The following CELF2 variants were observed in gnomAD, a reference collection of about 807,000 sequenced individuals.
CELF2 encodes the protein CUGBP Elav-like family member 2.
Under a neutral mutation model 62.6 loss-of-function variants are expected in CELF2, and 8 were observed. The ratio of observed to expected loss-of-function variants is 0.13; its 90% CI spans 0.07 to 0.23. The LOEUF is 0.23. Ranked by LOEUF, CELF2 falls within the 10% of genes least tolerant of loss-of-function variation. CELF2 has a pLI of 1.00. For missense variants in CELF2, 333 were observed against 671.0 expected, an observed-to-expected ratio of 0.50 and a Z score of 5.56; for synonymous variants, 258 against 250.0, an observed-to-expected ratio of 1.03 and a Z score of -0.30.
chr10:11,149,612 G>T (rs555546684), intron 1 of CELF2, among the ~76,000 whole-genome samples: 3 of 152,156 alleles, frequency 2.0e-5, no homozygotes, highest in African/African-American at 7.2e-5. Flanking sequence ...GACACATTTC[G>T]TGTTCCTCTT....
At chr10:11,254,234 G>T (rs1178101471) in intron 4 of CELF2, among the ~76,000 whole-genome samples, 1 of 152,258 alleles carries the variant, frequency 6.6e-6, no homozygotes. Context: ...AAAGCCGGGT[G>T]TGTTCAGTAT....
At chr10:11,277,357 C>A (rs1276420359) in intron 8 of CELF2, among the ~76,000 whole-genome samples, 1 of 152,184 alleles carries the variant, frequency 6.6e-6, no homozygotes, top group Non-Finnish European at 1.5e-5. Flanking sequence ...TTCCCAGCTT[C>A]CCCGAATGTG....
chr10:10,977,623 T>C (rs548714297), intron 2 of CELF2, among the ~76,000 whole-genome samples: 1 of 152,316 alleles, frequency 6.6e-6, no homozygotes, highest in East Asian at 1.9e-4. Flanking sequence ...TTTCTGAATG[T>C]CATCCCCTTC....
At chr10:10,549,360 T>C in the CELF2 span, among the ~76,000 whole-genome samples, 1 of 152,334 alleles carries the variant, frequency 6.6e-6, no homozygotes, top group East Asian at 1.9e-4. Context: ...CTTGGCTCAC[T>C]GCAACTTCCG....
intron 1 of CELF2, among the ~76,000 whole-genome samples, chr10:11,158,009 C>T (rs943758705): frequency 6.6e-6 from 1 of 152,224 alleles, no homozygotes; most frequent in African/African-American, 2.4e-5. Flanking sequence ...CAGTGGGGGA[C>T]ATTGTGTTAA....
chr10:10,748,708 A>AC, the CELF2 span, among the ~76,000 whole-genome samples: 1 of 144,606 alleles, frequency 6.9e-6, no homozygotes, highest in African/African-American at 2.6e-5. Context: ...AGGTTGTGCC[A>AC]CTACACTCCA....
chr10:10,846,089 T>C, intron 1 of CELF2: 4 of 985,252 alleles, frequency 4.1e-6, no homozygotes, highest in Middle Eastern at 5.2e-4. Flanking sequence ...CAGATCCTTC[T>C]GCGCTCCCAG....
At chr10:11,088,564 C>CGGTGTGCATACCCCTGCTCACCT (rs55706560) in intron 1 of CELF2, among the ~76,000 whole-genome samples, 34,283 of 151,922 alleles carry the variant, frequency 0.23, 4,278 homozygotes, top group Middle Eastern at 0.29. Context: ...CTAGCAGAGC[C>CGGTGTGCATACCCCTGCTCACCT]GGATTTCTCA....
At chr10:10,801,289 TG>T in intron 1 of CELF2, among the ~76,000 whole-genome samples, 1 of 152,242 alleles carries the variant, frequency 6.6e-6, no homozygotes, top group Non-Finnish European at 1.5e-5. Flanking sequence ...TTTAACTGTG[TG>T]TAATCCTTTT....
chr10:10,898,386 A>G (rs1368635088), intron 1 of CELF2, among the ~76,000 whole-genome samples: 1 of 152,214 alleles, frequency 6.6e-6, no homozygotes, highest in Non-Finnish European at 1.5e-5. Flanking sequence ...ATCAATTTCT[A>G]TTGCTTGTGC....
chr10:11,304,291 A>AT (rs1228688754), intron 9 of CELF2, among the ~76,000 whole-genome samples: 6 of 151,682 alleles, frequency 4.0e-5, no homozygotes, highest in African/African-American at 1.2e-4. Context: ...GCCATCTCTG[A>AT]TTTTTTCTCT....
intron 2 of CELF2, among the ~76,000 whole-genome samples, chr10:10,943,912 T>C (rs1032047183): frequency 4.6e-5 from 7 of 152,152 alleles, no homozygotes; most frequent in African/African-American, 1.7e-4. Context: ...CCAAGATTGC[T>C]CTTTAATATG....
At chr10:10,966,689 G>A (rs2136092947) in intron 2 of CELF2, 1 of 152,330 alleles carries the variant, frequency 6.6e-6, no homozygotes, top group Middle Eastern at 3.4e-3. Context: ...AATATCTGGG[G>A]ATAGGGCATT....
intron 1 of CELF2, among the ~76,000 whole-genome samples, chr10:11,109,515 A>G (rs1690836354): frequency 6.6e-6 from 1 of 152,200 alleles, no homozygotes; most frequent in African/African-American, 2.4e-5. Flanking sequence ...TTTCACACGA[A>G]GAATCTGAAA....
chr10:11,095,558 T>C (rs1472330874), intron 1 of CELF2, among the ~76,000 whole-genome samples: 2 of 152,232 alleles, frequency 1.3e-5, no homozygotes, highest in South Asian at 2.1e-4. Flanking sequence ...TTAACAGGCA[T>C]ATAAGCTTGC....
intron 1 of CELF2, among the ~76,000 whole-genome samples, chr10:10,836,395 T>A (rs2058288043): frequency 6.6e-6 from 1 of 152,122 alleles, no homozygotes; most frequent in Non-Finnish European, 1.5e-5. Flanking sequence ...AGTGTTAAAT[T>A]CAGCTGAGAA....
chr10:10,490,091 GGA>G, the CELF2 span, among the ~76,000 whole-genome samples: 4 of 132,604 alleles, frequency 3.0e-5, no homozygotes, highest in Non-Finnish European at 7.0e-5. Context: ...ATGTCATGGG[GGA>G]AAAAATCACT....
chr10:11,053,325 A>ATC (rs1379531630), intron 1 of CELF2, among the ~76,000 whole-genome samples: 3 of 152,162 alleles, frequency 2.0e-5, no homozygotes, highest in African/African-American at 4.8e-5. Context: ...GAATACTCTG[A>ATC]TCTCTCTCAG....
intron 1 of CELF2, among the ~76,000 whole-genome samples, chr10:10,867,189 T>A (rs942958071): frequency 6.6e-6 from 1 of 152,144 alleles, no homozygotes; most frequent in Non-Finnish European, 1.5e-5. Context: ...ATGGCCAATT[T>A]CAAGCTACCA....
Sources: gnomAD v4.1 joint callset for allele counts (sites outside exome capture counted in the v4.1 genomes callset) on GRCh38, gnomAD v4.1.1 for gene constraint, MANE v1.5 for transcripts, NCBI Gene and HGNC (gene_info 2026-07-23, HGNC 2026-07-21) for gene names.